WSCD1: variants seen among roughly 807,000 people sequenced by gnomAD.
WSCD1 encodes the protein sialate:O-sulfotransferase 1.
Under a neutral mutation model 60.4 loss-of-function variants are expected in WSCD1, and 41 were observed. The observed-to-expected ratio is 0.68, with a 90% CI of 0.53 to 0.88. The LOEUF (loss-of-function observed/expected upper bound fraction) is 0.88, where lower values mean the gene tolerates loss of function less well. WSCD1 is among the 40% of genes least tolerant of loss of function. WSCD1 has a pLI of 0.00. For synonymous variants in WSCD1, 361 were observed against 332.5 expected (o/e 1.09, Z -0.93); for missense variants, 784 against 796.2 (o/e 0.98, Z 0.18).
In WSCD1 at chr17:6,073,217, C is replaced by T. The variant is rs74983981; in HGVS notation, c.-289+2565C>T. On this transcript the variant is annotated intron_variant, in intron 1 of 8. Transcript: ENST00000317744. ...TTGTCCACCTGTATCCAACTCACTC[C>T]GTGGGGTTTCAACACCTGTTTACCT... Among the ~76,000 whole-genome samples the T allele has an allele frequency of 9.9e-3, 1,503 of 152,332 alleles. 24 individuals are homozygous for T. Among genetic ancestry groups the T allele is most frequent in the African/African-American group, 0.034 (1,395 of 41,568 alleles).
At chr17:6,094,613 G>GGAAGGAAGGA (rs1910280584) in intron 4 of WSCD1, among the ~76,000 whole-genome samples, 1 of 148,748 alleles carries the variant, frequency 6.7e-6, no homozygotes, top group Admixed American at 6.7e-5. Flanking sequence ...GGAAGGAGAA[G>GGAAGGAAGGA]GAAGGAAGGA....
intron 2 of WSCD1, chr17:6,084,912 G>A (rs1909527162): frequency 6.6e-6 from 1 of 152,062 alleles, no homozygotes; most frequent in Non-Finnish European, 1.5e-5. Flanking sequence ...AAAAGAGCTC[G>A]CCTCCTCTTT....
At chr17:6,109,876 A>G in intron 6 of WSCD1, 110 bp downstream of exon 6, 1 of 1,433,858 alleles carries the variant, frequency 7.0e-7, no homozygotes, top group Non-Finnish European at 9.5e-7. Context: ...GAGGTATGGC[A>G]TGTGTCTGTG....
At chr17:6,070,376 T>G (rs996673405), upstream of WSCD1, 3 of 146,928 alleles carry the variant, frequency 2.0e-5, no homozygotes, top group African/African-American at 4.9e-5. Flanking sequence ...CGAGTGAGCA[T>G]GTGCAGAGCC....
At chr17:6,093,377 A>G (rs1910181898) in intron 4 of WSCD1, among the ~76,000 whole-genome samples, 1 of 152,202 alleles carries the variant, frequency 6.6e-6, no homozygotes, top group African/African-American at 2.4e-5. Flanking sequence ...TGGGGAACAC[A>G]GGGGTCACCC....
chr17:6,073,094 A>T lies in WSCD1; in HGVS notation c.-289+2442A>T, dbSNP rs148447677. Among the ~76,000 whole-genome samples the T allele has an allele frequency of 1.8e-3, 275 of 152,164 alleles. 2 individuals carry two copies. Among genetic ancestry groups the T allele is most frequent in the South Asian group, 8.9e-3 (43 of 4,814 alleles). On this transcript the variant is annotated intron_variant, in intron 1 of 8. Transcript: ENST00000317744. ...GGTCGAGAGTATTCTGAGGACAAGG[A>T]TGTGCAGCAGGCTGTCTTGGCCTCT...
intron 7 of WSCD1, among the ~76,000 whole-genome samples, chr17:6,112,301 A>T (rs1479974161): frequency 6.6e-6 from 1 of 152,218 alleles, no homozygotes; most frequent in African/African-American, 2.4e-5. Context: ...GAGGGAACGT[A>T]CCTCACCACA....
intron 5 of WSCD1, among the ~76,000 whole-genome samples, chr17:6,099,055 C>T (rs1348901546): frequency 9.3e-6 from 1 of 107,674 alleles, no homozygotes; most frequent in African/African-American, 2.8e-5. Context: ...GGTGGCCCAG[C>T]GTGCAGGGTT....
chr17:6,084,442 G>A (rs1327448524), intron 2 of WSCD1, among the ~76,000 whole-genome samples: 1 of 152,234 alleles, frequency 6.6e-6, no homozygotes, highest in Non-Finnish European at 1.5e-5. Flanking sequence ...CAGGACAGCT[G>A]CTGGGGCCTC....
intron 7 of WSCD1, among the ~76,000 whole-genome samples, chr17:6,117,496 C>T (rs528420133): frequency 4.5e-4 from 69 of 152,320 alleles, no homozygotes; most frequent in South Asian, 2.9e-3. Context: ...CAGAGACACA[C>T]GGTGGCATGT....
At chr17:6,109,479 T>C in intron 5 of WSCD1, 128 bp from the exon 6 acceptor site, 1 of 1,322,166 alleles carries the variant, frequency 7.6e-7, no homozygotes, top group Non-Finnish European at 1.0e-6. Flanking sequence ...AGGATGGTGG[T>C]CATCCCTGTG....
Position 6,120,741 on chromosome 17 carries a change from C to T in WSCD1, c.*80C>T. On this transcript the variant is annotated 3_prime_UTR_variant, in exon 9 of 9. Transcript: ENST00000317744. ...TGCGCTCCCCACTCTGATGCTCAGG[C>T]CCGTGGCCTCACTGGGACGAACGGT... The T allele has an allele frequency of 1.4e-6, 2 of 1,456,402 alleles. No homozygotes were observed. The highest frequency in any genetic ancestry group is 1.3e-5 in the South Asian group (1 of 75,762). The allele number at this position is 1,456,402 out of a possible 1,614,324, so 90.2% of individuals were successfully genotyped here.
chr17:6,104,872 C>T (rs529381958), intron 5 of WSCD1, among the ~76,000 whole-genome samples: 2 of 152,302 alleles, frequency 1.3e-5, no homozygotes, highest in African/African-American at 2.4e-5. Context: ...GCTGGGCATC[C>T]TGGGCTGTTC....
intron 7 of WSCD1, among the ~76,000 whole-genome samples, chr17:6,115,325 C>G (rs1911632244): frequency 6.6e-6 from 1 of 152,308 alleles, no homozygotes; most frequent in East Asian, 1.9e-4. Flanking sequence ...CTGATTTAAT[C>G]TGCTCATTCC....
At position 6,075,198 on chromosome 17, in the gene WSCD1, C is replaced by A. The variant is rs1908771395; in HGVS notation, c.-289+4546C>A. Among the ~76,000 whole-genome samples, 1 of 152,152 alleles carries A rather than the reference C, an allele frequency of 6.6e-6. No individual in the cohort carries two copies. The highest frequency in any genetic ancestry group is 1.5e-5 in the Non-Finnish European group (1 of 68,018). ...GCTCCAAGTCCCAAGAGGTTTGCAG[C>A]CCTTGCTGCAGCTGCCACAGTAGCT... On this transcript the variant is annotated intron_variant, in intron 1 of 8. Transcript: ENST00000317744. This position sits in a 1 kb window ranked among gnomAD's most constrained non-coding sequence, Gnocchi z 4.1.
chr17:6,098,335 G>T (rs1443935976), intron 5 of WSCD1, among the ~76,000 whole-genome samples: 6 of 152,168 alleles, frequency 3.9e-5, no homozygotes, highest in Non-Finnish European at 8.8e-5. Context: ...TCTTCAACTT[G>T]TATTTTCAGC....
At chr17:6,088,483 A>G (rs1182448722) in intron 3 of WSCD1, among the ~76,000 whole-genome samples, 1 of 152,050 alleles carries the variant, frequency 6.6e-6, no homozygotes, top group Non-Finnish European at 1.5e-5. Context: ...TTACTTATAT[A>G]TTTTACAATA....
Position 6,080,912 on chromosome 17 carries a change from T to C in WSCD1, c.254T>C (p.Val85Ala), listed in dbSNP as rs1567549932. 8 of 1,595,518 alleles carry C rather than the reference T, an allele frequency of 5.0e-6. No homozygotes were observed. The highest frequency in any genetic ancestry group is 6.0e-6 in the Non-Finnish European group (7 of 1,175,520). The change falls in exon 2 of 9, where the codon GTG becomes GCG. Residue 85 changes from valine (V) to alanine (A), a missense_variant. Physicochemically the swap from Val to Ala is moderately conservative, Grantham distance 64. Transcript: ENST00000317744. This position sits in a 1 kb window ranked among gnomAD's most constrained non-coding sequence, Gnocchi z 6.6. ...PRVSPELLLG[V>A]DMLQSPLTRP... ...GTCAGCCCAGAGCTGCTGCTGGGTG[T>C]GGACATGCTGCAGAGCCCCCTGACC...
In WSCD1 at chr17:6,120,704, G is replaced by A. The variant is rs546773662; in HGVS notation, c.*43G>A. ...GCCGCCCCCGCTGAGTGACGCAATC[G>A]CACCACGGGGCTGCGCTCCCCACTC... is the stretch of plus-strand genomic sequence containing the variant. On this transcript the variant is annotated 3_prime_UTR_variant, in exon 9 of 9. Transcript: ENST00000317744. 37 of 1,556,724 alleles carry A rather than the reference G, an allele frequency of 2.4e-5. No individual in the cohort carries two copies. The highest frequency in any genetic ancestry group is 2.9e-5 in the Non-Finnish European group (33 of 1,147,524).
Sources: gnomAD v4.1 joint callset for allele counts (sites outside exome capture counted in the v4.1 genomes callset) on GRCh38, gnomAD v4.1.1 for gene constraint, Gnocchi (gnomAD v3.1) non-coding constraint, MANE v1.5 for transcripts, NCBI Gene and HGNC (gene_info 2026-07-23, HGNC 2026-07-21) for gene names.